RHBDD1: variants seen among roughly 807,000 people sequenced by gnomAD.
RHBDD1 encodes rhomboid domain containing 1, also known as rhomboid-related protein 4.
In RHBDD1, 38 loss-of-function variants were observed where a neutral mutation model predicts 36.3. The observed-to-expected ratio is 1.05, with a 90% CI of 0.81 to 1.37. The LOEUF is 1.37. RHBDD1 is among the 40% of genes most tolerant of loss of function. RHBDD1 has a pLI of 0.00. For synonymous variants in RHBDD1, 151 were observed against 136.5 expected (o/e 1.11, Z -0.74); for missense variants, 393 against 377.6 (o/e 1.04, Z -0.34).
At chr2:226,905,549 T>G (rs541497204) in intron 5 of RHBDD1, among the ~76,000 whole-genome samples, 18 of 152,342 alleles carry the variant, frequency 1.2e-4, no homozygotes, top group African/African-American at 4.3e-4. Context: ...CGGAGTATTC[T>G]GTGAGAACCA....
At chr2:226,860,151 G>A (rs1378638160) in intron 3 of RHBDD1, among the ~76,000 whole-genome samples, 1 of 152,164 alleles carries the variant, frequency 6.6e-6, no homozygotes, top group Non-Finnish European at 1.5e-5. Flanking sequence ...GAAATCCCAT[G>A]TCTTGAGGTG....
At chr2:226,930,110 A>G (rs186929704) in intron 8 of RHBDD1, among the ~76,000 whole-genome samples, 12 of 152,224 alleles carry the variant, frequency 7.9e-5, no homozygotes, top group Admixed American at 7.2e-4. Context: ...ATTCAATGCA[A>G]TTCCTATCAA....
chr2:226,936,109 C>A (rs1950315319), intron 8 of RHBDD1, among the ~76,000 whole-genome samples: 1 of 152,058 alleles, frequency 6.6e-6, no homozygotes, highest in African/African-American at 2.4e-5. Context: ...TACCATCTGC[C>A]AGATTGTCTA....
intron 8 of RHBDD1, among the ~76,000 whole-genome samples, chr2:226,928,195 A>C (rs776815695): frequency 6.6e-6 from 1 of 152,032 alleles, no homozygotes; most frequent in South Asian, 2.1e-4. Flanking sequence ...AAAAATGACT[A>C]TCAGTTCTCC....
chr2:226,943,381 T>C (rs894619415), intron 8 of RHBDD1, among the ~76,000 whole-genome samples: 6 of 152,192 alleles, frequency 3.9e-5, no homozygotes, highest in Admixed American at 3.3e-4. Context: ...AAACAAATCA[T>C]GATATGAGGT....
At position 226,842,978 on chromosome 2, in the gene RHBDD1, G is replaced by A. The variant is rs549675261; in HGVS notation, c.-91+3351G>A. Among the ~76,000 whole-genome samples, 5 of 152,236 alleles carry A rather than the reference G, an allele frequency of 3.3e-5. No homozygotes were observed. The East Asian group carries it at 9.7e-4, about 29-fold the overall frequency. On this transcript the variant is annotated intron_variant, in intron 3 of 8. Coordinates refer to ENST00000392062, the MANE Select transcript of RHBDD1 (RefSeq NM_001167608.3). Reference sequence around the variant, plus strand: ...AGTGGTTTGTAGTTCTCCTTGAAGAGGTCTTTCACTTCCCTTGTTGGCGGT... The same window carrying A: ...AGTGGTTTGTAGTTCTCCTTGAAGAAGTCTTTCACTTCCCTTGTTGGCGGT...
At chr2:226,954,006 G>C (rs1335700580) in intron 8 of RHBDD1, among the ~76,000 whole-genome samples, 3 of 152,170 alleles carry the variant, frequency 2.0e-5, no homozygotes, top group Admixed American at 2.0e-4. Context: ...AGCACAGGAT[G>C]AGGTTAAACG....
chr2:226,904,423 A>G (rs113195824), intron 5 of RHBDD1, among the ~76,000 whole-genome samples: 32,185 of 97,266 alleles, frequency 0.33, 7,026 homozygotes, highest in South Asian at 0.4. Context: ...GCGGGGGGGG[A>G]GGGGGGTCAG....
intron 1 of RHBDD1, 190 bp downstream of exon 1, chr2:226,836,277 C>T (rs1430496717): frequency 6.6e-6 from 1 of 152,458 alleles, no homozygotes; most frequent in African/African-American, 2.4e-5. Flanking sequence ...GGGGCAAGTC[C>T]GAGAGCGGGG....
At chr2:226,937,103 T>C (rs1326471621) in intron 8 of RHBDD1, among the ~76,000 whole-genome samples, 1 of 152,182 alleles carries the variant, frequency 6.6e-6, no homozygotes, top group Non-Finnish European at 1.5e-5. Context: ...TTGATGTGTA[T>C]ATTCTGTATT....
intron 8 of RHBDD1, among the ~76,000 whole-genome samples, chr2:226,976,925 A>G (rs1195187531): frequency 1.3e-5 from 2 of 152,194 alleles, no homozygotes; most frequent in Admixed American, 6.5e-5. Flanking sequence ...TCCCATTGAA[A>G]GAGCCATTAT....
At chr2:226,984,095 G>A (rs1418714725) in intron 8 of RHBDD1, among the ~76,000 whole-genome samples, 3 of 152,198 alleles carry the variant, frequency 2.0e-5, no homozygotes, top group Admixed American at 6.5e-5. Flanking sequence ...CAAGAAAGAT[G>A]TGCTTTCTTC....
intron 8 of RHBDD1, among the ~76,000 whole-genome samples, chr2:226,922,202 C>CTTTTTTTT (rs1017204610): frequency 2.2e-4 from 23 of 105,036 alleles, no homozygotes; most frequent in Non-Finnish European, 2.8e-4. Context: ...TATCTTTTTC[C>CTTTTTTTT]TTTTTTTTTT....
chr2:226,906,624 G>T, intron 5 of RHBDD1, 169 bp from the exon 6 acceptor site: 2 of 1,401,228 alleles, frequency 1.4e-6, no homozygotes, highest in South Asian at 1.5e-5. Context: ...TTTTAAGGTA[G>T]GAGATGTTGT....
intron 8 of RHBDD1, among the ~76,000 whole-genome samples, chr2:226,954,301 A>G (rs895620481): frequency 5.3e-5 from 8 of 152,154 alleles, no homozygotes; most frequent in Non-Finnish European, 1.0e-4. Flanking sequence ...CTGAATATTG[A>G]TATTTCTTAG....
At chr2:226,834,016 A>C (rs1940808298), upstream of RHBDD1, among the ~76,000 whole-genome samples, 1 of 152,238 alleles carries the variant, frequency 6.6e-6, no homozygotes, top group East Asian at 1.9e-4. Flanking sequence ...ATGTCTATGA[A>C]AATTTTCACT....
chr2:226,875,476 A>G (rs1945153826), intron 5 of RHBDD1, among the ~76,000 whole-genome samples: 1 of 152,176 alleles, frequency 6.6e-6, no homozygotes, highest in African/African-American at 2.4e-5. Context: ...ACCTAAATCA[A>G]TACACTATTT....
At chr2:226,921,241 C>CA (rs1261974483) in intron 8 of RHBDD1, among the ~76,000 whole-genome samples, 1 of 151,990 alleles carries the variant, frequency 6.6e-6, no homozygotes, top group Non-Finnish European at 1.5e-5. Flanking sequence ...GGTCTTCTCT[C>CA]TTTTTTCTTA....
At chr2:226,988,932 G>A (rs1957584913) in intron 8 of RHBDD1, among the ~76,000 whole-genome samples, 1 of 152,222 alleles carries the variant, frequency 6.6e-6, no homozygotes, top group Non-Finnish European at 1.5e-5. Context: ...TATTTGCAGT[G>A]AGCCTTATTT....
Sources: allele counts gnomAD v4.1 joint callset (sites outside exome capture counted in the v4.1 genomes callset), GRCh38; gene constraint gnomAD v4.1.1; transcripts MANE v1.5; gene names NCBI Gene and HGNC (gene_info 2026-07-23, HGNC 2026-07-21).